GMPR: variants seen among roughly 807,000 people sequenced by gnomAD.
GMPR encodes the protein GMP reductase 1.
Under a neutral mutation model 38.4 loss-of-function variants are expected in GMPR, and 31 were observed. The observed-to-expected ratio is 0.81, with a 90% CI of 0.61 to 1.09. The LOEUF (loss-of-function observed/expected upper bound fraction) is 1.09, where lower values mean the gene tolerates loss of function less well. GMPR is among the 50% of genes least tolerant of loss of function. The probability of loss-of-function intolerance (pLI) is 0.00; values close to 1 mark genes in which losing one functional copy is unlikely to be tolerated. For missense variants in GMPR, 468 were observed against 453.7 expected (o/e 1.03, Z -0.29); for synonymous variants, 162 against 173.3 (o/e 0.93, Z 0.51).
intron 7 of GMPR, chr6:16,290,219 T>G (rs1261986334): frequency 2.3e-5 from 12 of 529,014 alleles, no homozygotes; most frequent in Non-Finnish European, 3.4e-5. Context: ...TGGTCCAGTA[T>G]ATGGGACACT....
At chr6:16,289,355 C>T (rs765189728) in intron 7 of GMPR, among the ~76,000 whole-genome samples, 6 of 152,316 alleles carry the variant, frequency 3.9e-5, no homozygotes, top group South Asian at 4.1e-4. Flanking sequence ...TGAAGAATCC[C>T]ACTGCACAGT....
intron 7 of GMPR, chr6:16,289,541 G>T (rs1008022151): frequency 6.6e-6 from 1 of 152,232 alleles, no homozygotes; most frequent in Non-Finnish European, 1.5e-5. Context: ...TGTCTCCTGT[G>T]CCTGTCCTGG....
At chr6:16,249,818 G>C (rs977649212) in intron 2 of GMPR, among the ~76,000 whole-genome samples, 1 of 152,240 alleles carries the variant, frequency 6.6e-6, no homozygotes, top group African/African-American at 2.4e-5. Context: ...GAAGTGTTCC[G>C]GTTGTGAGCA....
intron 6 of GMPR, among the ~76,000 whole-genome samples, chr6:16,285,231 G>A (rs768170484): frequency 6.6e-6 from 1 of 152,160 alleles, no homozygotes. Flanking sequence ...AAAAACAGAT[G>A]TTTGATTTTA....
chr6:16,261,625 C>T (rs954761395), intron 4 of GMPR, among the ~76,000 whole-genome samples: 1 of 151,894 alleles, frequency 6.6e-6, no homozygotes, highest in Non-Finnish European at 1.5e-5. Flanking sequence ...GGTTTTAGGA[C>T]AGGTAAAATG....
intron 1 of GMPR, among the ~76,000 whole-genome samples, chr6:16,239,239 G>T (rs1047258783): frequency 3.3e-5 from 5 of 152,166 alleles, no homozygotes; most frequent in African/African-American, 1.2e-4. Flanking sequence ...CTTCGTGAAC[G>T]CGTCTGAAAA....
At chr6:16,260,917 CA>C (rs1217496899) in intron 4 of GMPR, among the ~76,000 whole-genome samples, 1 of 151,834 alleles carries the variant, frequency 6.6e-6, no homozygotes. Flanking sequence ...TGGGACTTAA[CA>C]AAGAGTGAGT....
chr6:16,250,687 G>T (rs546574064), intron 3 of GMPR, among the ~76,000 whole-genome samples: 8 of 152,234 alleles, frequency 5.3e-5, no homozygotes, highest in Non-Finnish European at 1.0e-4. Flanking sequence ...AAACTTCTGA[G>T]TATAACAAGG....
chr6:16,267,512 C>T (rs763430363), intron 4 of GMPR, among the ~76,000 whole-genome samples: 4 of 152,002 alleles, frequency 2.6e-5, no homozygotes, highest in East Asian at 1.9e-4. Context: ...CAAAGGTCTG[C>T]GGCTTCACTC....
chr6:16,267,396 T>C (rs1467517413), intron 4 of GMPR, among the ~76,000 whole-genome samples: 1 of 151,658 alleles, frequency 6.6e-6, no homozygotes, highest in African/African-American at 2.4e-5. Context: ...TAACACTCAC[T>C]GTGAAGGTCT....
chr6:16,289,829 C>A (rs1390949712), intron 7 of GMPR: 2 of 115,368 alleles, frequency 1.7e-5, no homozygotes, highest in Non-Finnish European at 3.5e-5. Context: ...AGGTAACTTG[C>A]TTTCTAAGAT....
chr6:16,292,126 A>G (rs960703927), intron 8 of GMPR, among the ~76,000 whole-genome samples: 4 of 152,062 alleles, frequency 2.6e-5, no homozygotes, highest in Admixed American at 6.5e-5. Flanking sequence ...TTCAGACTCT[A>G]TCCGGTGCTG....
chr6:16,288,192 G>C (rs1330363641), intron 7 of GMPR, among the ~76,000 whole-genome samples: 2 of 152,372 alleles, frequency 1.3e-5, no homozygotes, highest in Admixed American at 1.3e-4. Context: ...TGCACTCTGG[G>C]AGCCCCTTTC....
At chr6:16,266,439 G>A (rs569282627) in intron 4 of GMPR, among the ~76,000 whole-genome samples, 7 of 110,408 alleles carry the variant, frequency 6.3e-5, no homozygotes, top group African/African-American at 2.0e-4. Flanking sequence ...GTGGCACGTC[G>A]GACGTGCCAC....
intron 4 of GMPR, chr6:16,258,224 C>T (rs780976642): frequency 1.3e-5 from 2 of 152,218 alleles, no homozygotes; most frequent in Non-Finnish European, 2.9e-5. Flanking sequence ...ATGTGTGTCA[C>T]TCTTTAAAAT....
At chr6:16,274,582 G>A (rs552306886) in intron 5 of GMPR, 86 bp downstream of exon 5, 33 of 782,728 alleles carry the variant, frequency 4.2e-5, no homozygotes, top group Non-Finnish European at 7.3e-5. Flanking sequence ...CACTGGAGGG[G>A]ATGCATGAAT....
intron 6 of GMPR, 86 bp downstream of exon 6, chr6:16,278,976 G>T (rs973217280): frequency 1.1e-5 from 9 of 808,078 alleles, no homozygotes; most frequent in Non-Finnish European, 1.6e-5. Flanking sequence ...TGGGCATCCT[G>T]TGGGCATGGG....
chr6:16,290,495 T>C lies in GMPR; in HGVS notation c.731T>C (p.Met244Thr). The C allele has an allele frequency of 2.5e-6, 4 of 1,614,092 alleles. No individual in the cohort carries two copies. The highest frequency in any genetic ancestry group is 2.5e-6 in the Non-Finnish European group (3 of 1,179,976). Residue 244 changes from methionine (M) to threonine (T), a missense_variant, in exon 8 of 9, where the codon ATG (methionine) becomes ACG (threonine). Physicochemically the swap from Met to Thr is moderately conservative, Grantham distance 81 (BLOSUM62 -1). Transcript: ENST00000259727. ...AGADFVMLGG[M>T]FSGHTECAGE... ...GCAGATTTTGTCATGCTGGGAGGAA[T>C]GTTTTCGGGTCATACGGAGTGTGCT...
At chr6:16,257,004 C>G (rs558264572) in intron 4 of GMPR, among the ~76,000 whole-genome samples, 1 of 152,214 alleles carries the variant, frequency 6.6e-6, no homozygotes, top group Non-Finnish European at 1.5e-5. Flanking sequence ...CACAGCTGCT[C>G]TTGTCCTAAC....
Sources: gnomAD v4.1 joint callset for allele counts (sites outside exome capture counted in the v4.1 genomes callset) on GRCh38, gnomAD v4.1.1 for gene constraint, MANE v1.5 for transcripts, NCBI Gene and HGNC (gene_info 2026-07-23, HGNC 2026-07-21) for gene names.